The following DIP2C variants were observed in gnomAD, a reference collection of about 807,000 sequenced individuals.
The protein encoded by DIP2C is DIP2 acetate--CoA ligase C (putative), also known as disco-interacting protein 2 homolog C.
A neutral mutation model predicts 192.4 loss-of-function variants in DIP2C; 33 were observed. The ratio of observed to expected loss-of-function variants is 0.17; its 90% CI spans 0.13 to 0.23. The LOEUF (loss-of-function observed/expected upper bound fraction) is 0.23, where lower values mean the gene tolerates loss of function less well. DIP2C is among the 10% of genes least tolerant of loss of function. The probability of loss-of-function intolerance (pLI) is 1.00; values close to 1 mark genes in which losing one functional copy is unlikely to be tolerated. For missense variants in DIP2C, 1,537 were observed against 2,110.1 expected, an observed-to-expected ratio of 0.73 and a Z score of 5.32; for synonymous variants, 979 against 864.1, an observed-to-expected ratio of 1.13 and a Z score of -2.33.
intron 13 of DIP2C, among the ~76,000 whole-genome samples, chr10:388,256 T>TA (rs1452719976): frequency 6.6e-6 from 1 of 151,978 alleles, no homozygotes; most frequent in South Asian, 2.1e-4. Flanking sequence ...GGAGCTGCAA[T>TA]AAAAAAAGGA....
At chr10:551,983 A>C (rs532637716) in intron 1 of DIP2C, among the ~76,000 whole-genome samples, 7 of 152,354 alleles carry the variant, frequency 4.6e-5, no homozygotes, top group African/African-American at 1.7e-4. Context: ...GAGAACAGCC[A>C]CATGCAGGCA....
chr10:276,786 A>ATTGGAAGGTGCTAT lies in DIP2C; in HGVS notation c.*525_*538dup, dbSNP rs1954542058. The ATTGGAAGGTGCTAT allele has an allele frequency of 6.5e-6, 1 of 153,646 alleles. No homozygotes were observed. The highest frequency in any genetic ancestry group is 2.4e-5 in the African/African-American group (1 of 41,458). The allele number at this position is 153,646 out of a possible 1,614,324, so 9.5% of individuals were successfully genotyped here. On this transcript the variant is annotated 3_prime_UTR_variant, in exon 37 of 37. Transcript: ENST00000280886. ...TGACAAAGAAAGCTGCTATTATCTA[A>ATTGGAAGGTGCTAT]TTGGAAGGTGCTATTTGGAAGGTTT... is the stretch of plus-strand genomic sequence containing the variant.
chr10:399,668 T>G (rs994347304), intron 9 of DIP2C, among the ~76,000 whole-genome samples: 5 of 152,206 alleles, frequency 3.3e-5, no homozygotes, highest in African/African-American at 1.2e-4. Flanking sequence ...GCCTTAGTGT[T>G]CTTCTCTGAA....
At chr10:438,633 C>T (rs376534777) in intron 4 of DIP2C, among the ~76,000 whole-genome samples, 1 of 150,666 alleles carries the variant, frequency 6.6e-6, no homozygotes, top group African/African-American at 2.4e-5. Context: ...TGGGACTATG[C>T]GCACACACCA....
chr10:631,948 T>C (rs556341376), intron 1 of DIP2C, among the ~76,000 whole-genome samples: 1 of 152,374 alleles, frequency 6.6e-6, no homozygotes, highest in South Asian at 2.1e-4. Context: ...GTAACCCACA[T>C]GCTGATAAAC....
At chr10:319,618 A>C (rs1043254839) in intron 31 of DIP2C, among the ~76,000 whole-genome samples, 12 of 152,220 alleles carry the variant, frequency 7.9e-5, no homozygotes, top group Non-Finnish European at 1.6e-4. Context: ...ATAATAAGTG[A>C]CACCTTCTAA....
chr10:413,070 G>A (rs1463514004), intron 8 of DIP2C, among the ~76,000 whole-genome samples: 4 of 152,084 alleles, frequency 2.6e-5, no homozygotes, highest in African/African-American at 7.2e-5. Context: ...ATGCAGCCTC[G>A]ACCTCCTCCT....
chr10:613,413 G>A (rs376431232), intron 1 of DIP2C, among the ~76,000 whole-genome samples: 287 of 152,290 alleles, frequency 1.9e-3, no homozygotes, highest in African/African-American at 5.2e-3. Context: ...TGCCAGGCCC[G>A]GGAGGAACTG....
intron 1 of DIP2C, among the ~76,000 whole-genome samples, chr10:601,722 G>A (rs967289072): frequency 6.6e-6 from 1 of 152,238 alleles, no homozygotes; most frequent in Non-Finnish European, 1.5e-5. Flanking sequence ...AGGCCTGCCA[G>A]CATCTCAGGG....
chr10:650,131 C>A, intron 1 of DIP2C: 1 of 717,334 alleles, frequency 1.4e-6, no homozygotes, highest in Non-Finnish European at 2.6e-6. Context: ...CCCGTTGGGA[C>A]AAGGACCCCC....
At chr10:595,768 G>GT (rs1851666140) in intron 1 of DIP2C, among the ~76,000 whole-genome samples, 1 of 152,234 alleles carries the variant, frequency 6.6e-6, no homozygotes, top group South Asian at 2.1e-4. Flanking sequence ...TTCAATAAGG[G>GT]TTTGGTTGGG....
intron 1 of DIP2C, among the ~76,000 whole-genome samples, chr10:569,910 C>T (rs550954603): frequency 5.7e-4 from 87 of 152,322 alleles, no homozygotes; most frequent in Non-Finnish European, 1.1e-3. Context: ...CATAAGTCAG[C>T]AAGTTCTGGA....
intron 14 of DIP2C, among the ~76,000 whole-genome samples, chr10:386,083 C>T (rs4242760): frequency 0.96 from 146,046 of 152,248 alleles, 70,346 homozygotes; most frequent in East Asian, 1. Context: ...GGCGGCCCCG[C>T]GACGAGGCCT....
intron 3 of DIP2C, among the ~76,000 whole-genome samples, chr10:460,627 ACT>A (rs1465373804): frequency 1.3e-5 from 2 of 152,160 alleles, no homozygotes; most frequent in African/African-American, 4.8e-5. Context: ...GTTGGAAAAC[ACT>A]CTTCAGGATA....
At chr10:674,577 C>G (rs890058824) in intron 1 of DIP2C, among the ~76,000 whole-genome samples, 1 of 151,750 alleles carries the variant, frequency 6.6e-6, no homozygotes, top group Non-Finnish European at 1.5e-5. Context: ...CAAGACCAGC[C>G]TGGCCAACAT....
chr10:617,205 C>G (rs1030573009), intron 1 of DIP2C, among the ~76,000 whole-genome samples: 5 of 132,058 alleles, frequency 3.8e-5, no homozygotes. Context: ...CAGCCGCCCC[C>G]TGAAATACAC....
chr10:688,869 G>A (rs1050948720), intron 1 of DIP2C, among the ~76,000 whole-genome samples: 1 of 152,302 alleles, frequency 6.6e-6, no homozygotes, highest in East Asian at 1.9e-4. Flanking sequence ...AGCCCTCCCC[G>A]CGCAGCGCCC....
At chr10:438,604 C>T (rs1403261799) in intron 4 of DIP2C, among the ~76,000 whole-genome samples, 1 of 152,018 alleles carries the variant, frequency 6.6e-6, no homozygotes, top group African/African-American at 2.4e-5. Flanking sequence ...GATCCTCCCA[C>T]CTCAGCCTCC....
intron 1 of DIP2C, among the ~76,000 whole-genome samples, chr10:498,488 C>A (rs190220852): frequency 3.0e-4 from 46 of 152,330 alleles, no homozygotes; most frequent in South Asian, 6.2e-4. Context: ...TGCTGACAGA[C>A]CCCACCAGGA....
Sources: allele counts gnomAD v4.1 joint callset (sites outside exome capture counted in the v4.1 genomes callset), GRCh38; gene constraint gnomAD v4.1.1; transcripts MANE v1.5; gene names NCBI Gene and HGNC (gene_info 2026-07-23, HGNC 2026-07-21).